The following BBS9 variants were observed in gnomAD, a reference collection of about 807,000 sequenced individuals.
BBS9 encodes Bardet-Biedl syndrome 9, also known as protein PTHB1.
In BBS9, 89 loss-of-function variants were observed where a neutral mutation model predicts 117.7. The observed-to-expected ratio is 0.76, with a 90% CI of 0.64 to 0.90. The LOEUF (loss-of-function observed/expected upper bound fraction) is 0.90. Ranked by LOEUF, BBS9 falls within the 40% of genes least tolerant of loss-of-function variation. BBS9 has a pLI of 0.00. For synonymous variants in BBS9, 379 were observed against 370.9 expected, an observed-to-expected ratio of 1.02 and a Z score of -0.25; for missense variants, 982 against 1,042.2, an observed-to-expected ratio of 0.94 and a Z score of 0.80.
intron 21 of BBS9, among the ~76,000 whole-genome samples, chr7:33,579,872 T>C (rs997455508): frequency 2.0e-5 from 3 of 152,156 alleles, no homozygotes; most frequent in Admixed American, 2.0e-4. Context: ...AACCAAAAAA[T>C]GTAATCTATA....
chr7:33,163,175 A>T (rs1795131537), intron 4 of BBS9, among the ~76,000 whole-genome samples: 1 of 152,212 alleles, frequency 6.6e-6, no homozygotes, highest in Non-Finnish European at 1.5e-5. Flanking sequence ...CCCAGGGATG[A>T]AGCTGACTTG....
intron 5 of BBS9, among the ~76,000 whole-genome samples, chr7:33,232,181 TGAG>T (rs1792585287): frequency 6.6e-6 from 1 of 152,162 alleles, no homozygotes; most frequent in Non-Finnish European, 1.5e-5. Flanking sequence ...CATTTTATTT[TGAG>T]GAAGTGACTA....
chr7:33,344,967 A>T (rs975664021), intron 12 of BBS9, among the ~76,000 whole-genome samples: 3 of 152,220 alleles, frequency 2.0e-5, no homozygotes, highest in Admixed American at 1.3e-4. Context: ...TGTCATCACC[A>T]TTCATAATAG....
intron 1 of BBS9, among the ~76,000 whole-genome samples, chr7:33,138,196 T>C (rs563322650): frequency 2.0e-5 from 3 of 151,688 alleles, no homozygotes; most frequent in Non-Finnish European, 4.4e-5. Flanking sequence ...GTGTGAGGTA[T>C]GGGAATCATG....
chr7:33,219,713 G>A (rs529027138), intron 5 of BBS9, among the ~76,000 whole-genome samples: 10 of 152,204 alleles, frequency 6.6e-5, no homozygotes, highest in African/African-American at 1.4e-4. Context: ...ACCAATCAGC[G>A]CCCTGTCAAA....
intron 12 of BBS9, among the ~76,000 whole-genome samples, chr7:33,347,599 A>G: frequency 6.6e-6 from 1 of 151,994 alleles, no homozygotes; most frequent in Non-Finnish European, 1.5e-5. Context: ...TTTCCTTTGC[A>G]AGTCAAAATT....
chr7:33,157,439 T>G (rs2128118888), intron 4 of BBS9, among the ~76,000 whole-genome samples: 1 of 152,314 alleles, frequency 6.6e-6, no homozygotes, highest in Admixed American at 6.5e-5. Flanking sequence ...CCAAACTACA[T>G]TCTCTTAGGC....
Position 33,245,766 on chromosome 7 carries a change from CAT to C in BBS9, c.443-11466_443-11465del, listed in dbSNP as rs535059491. ...TAAACAGATATTTTTGGAGCACTAA[CAT>C]ATAAGAGACTGTGCTCAATGCTATG... is the stretch of plus-strand genomic sequence containing the variant. On this transcript the variant is annotated intron_variant, in intron 5 of 22. Transcript: ENST00000242067. 6.0e-4 allele frequency among the ~76,000 whole-genome samples: 92 copies of C among 152,158 alleles called. 2 individuals carry two copies. In the East Asian group the frequency reaches 0.011, roughly 18 times the overall value.
At chr7:33,328,688 A>G (rs1813338237) in intron 9 of BBS9, among the ~76,000 whole-genome samples, 1 of 152,240 alleles carries the variant, frequency 6.6e-6, no homozygotes, top group Non-Finnish European at 1.5e-5. Context: ...TATTTTGCAT[A>G]AAATGAAGCC....
In BBS9 at chr7:33,316,293, G is replaced by A. The variant is rs1285326231; in HGVS notation, c.1017-20148G>A. The stretch of plus-strand genomic sequence containing the variant: ...CATCTGTGTTGTTGCATGTAACAGT[G>A]GCAATTTATTTTTCTATTGCTGAGT... On this transcript the variant is annotated intron_variant, in intron 9 of 22. Transcript: ENST00000242067. Among the ~76,000 whole-genome samples, 3 of 152,032 alleles carry A rather than the reference G, an allele frequency of 2.0e-5. No homozygotes were observed. The East Asian group carries it at 5.8e-4, about 29-fold the overall frequency.
chr7:33,342,170 A>G (rs1816705640), intron 11 of BBS9, among the ~76,000 whole-genome samples: 1 of 152,164 alleles, frequency 6.6e-6, no homozygotes, highest in Non-Finnish European at 1.5e-5. Context: ...TAAAAATCAC[A>G]TTAACATTAC....
chr7:33,605,278 C>G lies in BBS9; in HGVS notation c.*52C>G. ...GAACATCCCCATCTCAAGGCCGAACCTGTGTGAACCTCATGCCAAGCACAG... is the reference window on the plus strand; with the variant it reads ...GAACATCCCCATCTCAAGGCCGAACGTGTGTGAACCTCATGCCAAGCACAG... On this transcript the variant is annotated 3_prime_UTR_variant, in exon 23 of 23. Transcript: ENST00000242067. 1 of 1,552,658 alleles carries G rather than the reference C, an allele frequency of 6.4e-7. No individual in the cohort carries two copies.
At chr7:33,304,583 G>T (rs934631526) in intron 9 of BBS9, among the ~76,000 whole-genome samples, 1 of 152,200 alleles carries the variant, frequency 6.6e-6, no homozygotes, top group Non-Finnish European at 1.5e-5. Flanking sequence ...TGGCTGCTGT[G>T]CAATCTTCCA....
At chr7:33,400,970 C>G (rs1001326704) in intron 19 of BBS9, among the ~76,000 whole-genome samples, 16 of 152,194 alleles carry the variant, frequency 1.1e-4, no homozygotes, top group African/African-American at 3.9e-4. Flanking sequence ...GATAGAATGT[C>G]ATGCAGTAAG....
chr7:33,621,115 A>T (rs1865383222), intron 21 of BBS9, among the ~76,000 whole-genome samples: 1 of 152,208 alleles, frequency 6.6e-6, no homozygotes, highest in South Asian at 2.1e-4. Flanking sequence ...CAGACTACTA[A>T]TGGAAAACAT....
chr7:33,265,940 A>G (rs895402596), intron 7 of BBS9, among the ~76,000 whole-genome samples: 8 of 152,078 alleles, frequency 5.3e-5, no homozygotes, highest in Admixed American at 3.3e-4. Context: ...AAATGTCTGG[A>G]TGAACTTACT....
intron 1 of BBS9, among the ~76,000 whole-genome samples, chr7:33,130,946 A>G (rs1789503061): frequency 6.6e-6 from 1 of 152,226 alleles, no homozygotes; most frequent in African/African-American, 2.4e-5. Context: ...GCAATAGTAT[A>G]TATAGTAATT....
chr7:33,356,686 G>A (rs1819668622), intron 15 of BBS9, among the ~76,000 whole-genome samples: 1 of 151,796 alleles, frequency 6.6e-6, no homozygotes, highest in South Asian at 2.1e-4. Context: ...AGTAGTACTG[G>A]AAAGTGTACT....
intron 13 of BBS9, 139 bp from the exon 14 acceptor site, chr7:33,351,080 T>G: frequency 1.6e-6 from 1 of 625,888 alleles, no homozygotes; most frequent in Non-Finnish European, 2.9e-6. Context: ...ACAGGTTTGT[T>G]GTGAAGATTT....
Sources: allele counts gnomAD v4.1 joint callset (sites outside exome capture counted in the v4.1 genomes callset), GRCh38; gene constraint gnomAD v4.1.1; transcripts MANE v1.5; gene names NCBI Gene and HGNC (gene_info 2026-07-23, HGNC 2026-07-21).